SAMD12: variants seen among roughly 807,000 people sequenced by gnomAD.
The protein encoded by SAMD12 is sterile alpha motif domain-containing protein 12.
SAMD12 carries 9 observed loss-of-function variants against 15.0 expected under a neutral mutation model. The ratio of observed to expected loss-of-function variants is 0.60; its 90% CI spans 0.36 to 1.05. The LOEUF (loss-of-function observed/expected upper bound fraction) is 1.05, where lower values mean the gene tolerates loss of function less well. Ranked by LOEUF, SAMD12 falls within the 50% of genes least tolerant of loss-of-function variation. The probability of loss-of-function intolerance (pLI) is 0.01; values close to 1 mark genes in which losing one functional copy is unlikely to be tolerated. For synonymous variants in SAMD12, 86 were observed against 90.1 expected, an observed-to-expected ratio of 0.96 and a Z score of 0.25; for missense variants, 230 against 234.2, an observed-to-expected ratio of 0.98 and a Z score of 0.12.
rs1253659203 is a variant in SAMD12 at position 118,321,150 on chromosome 8, T to A, written c.433+58410A>T. Among the ~76,000 whole-genome samples, 20 of 18,550 alleles carry A rather than the reference T, an allele frequency of 1.1e-3. 1 individual carries two copies. Among genetic ancestry groups the A allele is most frequent in the African/African-American group, 3.8e-3 (16 of 4,236 alleles). 12.2% of individuals were successfully genotyped at this position (18,550 alleles called of 152,430 possible). On this transcript the variant is annotated intron_variant, in intron 4 of 4. Transcript: ENST00000409003. ...ATATATATCATAGATAATAAATATA[T>A]ATATATATATATATATATATATATA...
chr8:118,350,828 T>C (rs1004810118), intron 4 of SAMD12, among the ~76,000 whole-genome samples: 5 of 152,250 alleles, frequency 3.3e-5, no homozygotes, highest in African/African-American at 1.2e-4. Flanking sequence ...GTATAGACCA[T>C]AGCATAGTAG....
chr8:118,132,124 A>G, the SAMD12 span, among the ~76,000 whole-genome samples: 5 of 152,178 alleles, frequency 3.3e-5, no homozygotes, highest in African/African-American at 9.7e-5. Context: ...ACTGTTTGCA[A>G]TTGAAATTCT....
intron 4 of SAMD12, among the ~76,000 whole-genome samples, chr8:118,203,576 C>CT (rs201311132): frequency 6.6e-6 from 1 of 151,960 alleles, no homozygotes; most frequent in South Asian, 2.1e-4. Context: ...ATTTTCTTTT[C>CT]TTTTTTTAAT....
intron 4 of SAMD12, among the ~76,000 whole-genome samples, chr8:118,328,364 G>C (rs1331902537): frequency 1.3e-5 from 2 of 152,066 alleles, no homozygotes; most frequent in African/African-American, 4.8e-5. Context: ...TGCTTTCCTG[G>C]TTTTTCAATT....
intron 4 of SAMD12, among the ~76,000 whole-genome samples, chr8:118,261,555 T>G (rs1213162578): frequency 1.3e-5 from 2 of 152,128 alleles, no homozygotes; most frequent in Non-Finnish European, 2.9e-5. Context: ...TTGGTAGCTG[T>G]GTTTTCTTAG....
At chr8:118,548,985 G>A (rs141679602) in intron 2 of SAMD12, among the ~76,000 whole-genome samples, 176 of 152,226 alleles carry the variant, frequency 1.2e-3, no homozygotes, top group African/African-American at 2.7e-3. Flanking sequence ...AGGGGCGCCC[G>A]CCATTGCGCA....
intron 4 of SAMD12, among the ~76,000 whole-genome samples, chr8:118,341,365 A>C (rs1817359155): frequency 6.6e-6 from 1 of 152,068 alleles, no homozygotes; most frequent in Non-Finnish European, 1.5e-5. Flanking sequence ...GCATACCTAG[A>C]CCCCACCTCT....
chr8:118,614,475 A>C (rs980046156), intron 1 of SAMD12, among the ~76,000 whole-genome samples: 3 of 152,126 alleles, frequency 2.0e-5, no homozygotes, highest in Non-Finnish European at 2.9e-5. Context: ...CCCCTAGGAG[A>C]GAGTCCTGCA....
chr8:118,595,697 C>G (rs1211622471), intron 1 of SAMD12, among the ~76,000 whole-genome samples: 2 of 152,242 alleles, frequency 1.3e-5, no homozygotes, highest in African/African-American at 4.8e-5. Context: ...CTTCACCCAG[C>G]CCACTGGCTC....
At chr8:118,219,277 GGAGA>G (rs1812032315) in intron 4 of SAMD12, among the ~76,000 whole-genome samples, 1 of 152,208 alleles carries the variant, frequency 6.6e-6, no homozygotes, top group African/African-American at 2.4e-5. Context: ...AATTCCTAGA[GGAGA>G]GAGACTATGC....
At chr8:118,198,112 T>TG (rs1440731489) in intron 4 of SAMD12, among the ~76,000 whole-genome samples, 1 of 152,188 alleles carries the variant, frequency 6.6e-6, no homozygotes, top group East Asian at 1.9e-4. Flanking sequence ...GGGGATGGTG[T>TG]GAAGCATTTT....
intron 4 of SAMD12, among the ~76,000 whole-genome samples, chr8:118,276,081 A>T (rs990583271): frequency 2.6e-5 from 4 of 152,354 alleles, no homozygotes; most frequent in Non-Finnish European, 5.9e-5. Flanking sequence ...GCTCCAGAAC[A>T]TGATTAATTT....
At chr8:118,395,608 T>G (rs753202140) in intron 3 of SAMD12, among the ~76,000 whole-genome samples, 24 of 152,176 alleles carry the variant, frequency 1.6e-4, no homozygotes, top group Non-Finnish European at 3.1e-4. Flanking sequence ...TTGTTCGCTG[T>G]GGGTACCAAT....
At chr8:118,323,283 T>C (rs772221926) in intron 4 of SAMD12, among the ~76,000 whole-genome samples, 1 of 152,142 alleles carries the variant, frequency 6.6e-6, no homozygotes, top group Non-Finnish European at 1.5e-5. Flanking sequence ...ATTTATATTA[T>C]AAATTGTGAG....
At chr8:118,401,033 G>T (rs899224766) in intron 3 of SAMD12, among the ~76,000 whole-genome samples, 1 of 152,184 alleles carries the variant, frequency 6.6e-6, no homozygotes, top group Non-Finnish European at 1.5e-5. Flanking sequence ...TGAACAATTA[G>T]ATGGCACCAT....
At chr8:118,199,183 A>C (rs1819644520) in intron 4 of SAMD12, among the ~76,000 whole-genome samples, 1 of 152,250 alleles carries the variant, frequency 6.6e-6, no homozygotes, top group Admixed American at 6.5e-5. Flanking sequence ...TATTACTGTC[A>C]TCATAGTATT....
intron 3 of SAMD12, among the ~76,000 whole-genome samples, chr8:118,439,026 GC>G (rs1822657470): frequency 6.6e-6 from 1 of 152,072 alleles, no homozygotes; most frequent in Non-Finnish European, 1.5e-5. Context: ...GTCTGGAAAA[GC>G]CCCCTTACTC....
At chr8:118,208,586 A>G (rs888041042) in intron 4 of SAMD12, among the ~76,000 whole-genome samples, 4 of 152,250 alleles carry the variant, frequency 2.6e-5, no homozygotes, top group Non-Finnish European at 5.9e-5. Flanking sequence ...ACTATGTGCA[A>G]TGATGGAAAT....
At chr8:118,204,958 C>T (rs1283238956) in intron 4 of SAMD12, among the ~76,000 whole-genome samples, 1 of 152,088 alleles carries the variant, frequency 6.6e-6, no homozygotes, top group Non-Finnish European at 1.5e-5. Flanking sequence ...CACTGGGTGT[C>T]CAGATATTTG....
Sources: gnomAD v4.1 joint callset for allele counts (sites outside exome capture counted in the v4.1 genomes callset) on GRCh38, gnomAD v4.1.1 for gene constraint, MANE v1.5 for transcripts, NCBI Gene and HGNC (gene_info 2026-07-23, HGNC 2026-07-21) for gene names.